MAMLD1: variants seen among roughly 807,000 people sequenced by gnomAD.
MAMLD1 encodes mastermind like domain containing 1.
MAMLD1 carries 14 observed loss-of-function variants against 45.0 expected under a neutral mutation model. That is an observed-to-expected ratio of 0.31 (90% CI 0.21 to 0.49). The LOEUF is 0.49. Among genes scored for constraint, MAMLD1 ranks in the 20% least tolerant of loss-of-function variants. MAMLD1 has a pLI of 0.99. For missense variants in MAMLD1, 543 were observed against 603.6 expected, an observed-to-expected ratio of 0.90 and a Z score of 1.05; for synonymous variants, 254 against 247.8, an observed-to-expected ratio of 1.02 and a Z score of -0.24.
In MAMLD1 at chrX:150,403,074, T is replaced by TA. The variant is rs1196749818; in HGVS notation, c.-64+39554dup. On this transcript the variant is annotated intron_variant, in intron 1 of 7. Transcript: ENST00000370401. Reference sequence around the variant, plus strand: ...TACCCTAAAACTTAAAGTATAGTAATAAAAAAAAAAGTCATTGTGGTCCAT... The same window carrying TA: ...TACCCTAAAACTTAAAGTATAGTAATAAAAAAAAAAAGTCATTGTGGTCCAT... Among the ~76,000 whole-genome samples the TA allele has an allele frequency of 1.5e-4, 16 of 103,972 alleles. No individual in the cohort carries two copies. The South Asian group carries it at 4.7e-3, about 31-fold the overall frequency. The allele number at this position is 103,972 out of a possible 115,157, so 90.3% of individuals were successfully genotyped here.
At chrX:150,394,857 A>G (rs1399639369) in intron 1 of MAMLD1, among the ~76,000 whole-genome samples, 7 of 111,648 alleles carry the variant, frequency 6.3e-5, no homozygotes, top group Non-Finnish European at 1.3e-4. Flanking sequence ...GATTTTCTAC[A>G]TAGAGGATCA....
intron 5 of MAMLD1, among the ~76,000 whole-genome samples, chrX:150,481,965 AAAGAAAGAAAGAAAG>A (rs1569564960): frequency 7.1e-5 from 1 of 14,118 alleles, no homozygotes; most frequent in Non-Finnish European, 1.2e-4. Flanking sequence ...AAGAAAGAAA[AAAGAAAGAAAGAAAG>A]AAAGAAAGAA....
intron 5 of MAMLD1, among the ~76,000 whole-genome samples, chrX:150,490,084 G>C (rs1557407886): frequency 8.9e-6 from 1 of 111,954 alleles, no homozygotes; most frequent in Non-Finnish European, 1.9e-5. Flanking sequence ...CCCAGGCCAA[G>C]TGCAGCAAAA....
chrX:150,456,377 C>G (rs2035866964), intron 2 of MAMLD1, among the ~76,000 whole-genome samples: 1 of 111,203 alleles, frequency 9.0e-6, no homozygotes, highest in African/African-American at 3.3e-5. Context: ...AAAGCCCTGC[C>G]TACCTCCTAG....
At chrX:150,393,934 AG>A (rs2033294811) in intron 1 of MAMLD1, among the ~76,000 whole-genome samples, 1 of 110,577 alleles carries the variant, frequency 9.0e-6, no homozygotes. Flanking sequence ...ATTTTAATGA[AG>A]TCCAGGTTAT....
intron 5 of MAMLD1, among the ~76,000 whole-genome samples, chrX:150,480,606 G>A (rs782534954): frequency 6.3e-5 from 7 of 111,786 alleles, no homozygotes; most frequent in Non-Finnish European, 1.3e-4. Context: ...CTAAGATAGA[G>A]AGTGGAATAA....
chrX:150,469,536 C>T (rs782367228), intron 3 of MAMLD1, among the ~76,000 whole-genome samples: 1 of 111,887 alleles, frequency 8.9e-6, no homozygotes, highest in Admixed American at 9.4e-5. Flanking sequence ...AGTCTTTAAA[C>T]TGAGAGGTCT....
intron 1 of MAMLD1, among the ~76,000 whole-genome samples, chrX:150,383,049 C>T (rs1457205283): frequency 1.7e-5 from 1 of 59,063 alleles, no homozygotes; most frequent in Admixed American, 1.5e-4. Flanking sequence ...GGACTACAGG[C>T]GCCCGCCACC....
At chrX:150,472,156 C>T (rs2036450532) in intron 4 of MAMLD1, among the ~76,000 whole-genome samples, 1 of 111,890 alleles carries the variant, frequency 8.9e-6, no homozygotes, top group African/African-American at 3.3e-5. Context: ...CTGTGCTCTT[C>T]TTGAAATTAC....
chrX:150,424,672 T>C lies in MAMLD1; in HGVS notation c.-63-20782T>C, dbSNP rs782576063. ...ATCTTTTCTCTAAAAGAAACATCTTTCTAAAATGTCAAATTAGAGCAAAGA... is the reference window on the plus strand; with the variant it reads ...ATCTTTTCTCTAAAAGAAACATCTTCCTAAAATGTCAAATTAGAGCAAAGA... On this transcript the variant is annotated intron_variant, in intron 1 of 7. Coordinates refer to ENST00000370401, the MANE Select transcript of MAMLD1 (RefSeq NM_005491.5). 3.5e-5 allele frequency among the ~76,000 whole-genome samples: 4 copies of C among 112,794 alleles called. No homozygotes were observed. The East Asian group carries it at 8.3e-4, about 23-fold the overall frequency.
intron 5 of MAMLD1, among the ~76,000 whole-genome samples, chrX:150,484,551 A>T (rs1279268663): frequency 4.4e-5 from 5 of 112,474 alleles, no homozygotes; most frequent in Non-Finnish European, 9.4e-5. Flanking sequence ...TAGATCTGGA[A>T]TCATGTAGAT....
Position 150,366,035 on chromosome X carries a change from G to A in MAMLD1, c.-64+2505G>A, listed in dbSNP as rs368115850. Among the ~76,000 whole-genome samples the A allele has an allele frequency of 8.0e-5, 9 of 111,964 alleles. No individual in the cohort carries two copies. The East Asian group carries it at 2.0e-3, about 24-fold the overall frequency. On this transcript the variant is annotated intron_variant, in intron 1 of 7. Coordinates refer to ENST00000370401, the MANE Select transcript of MAMLD1 (RefSeq NM_005491.5). Reference sequence around the variant, plus strand: ...TCCGCCCCTGTGCCCCAAAGTGGTCGGTGTCTCTCATAGAGTTTGTTCGGG... The same window carrying A: ...TCCGCCCCTGTGCCCCAAAGTGGTCAGTGTCTCTCATAGAGTTTGTTCGGG...
chrX:150,504,737 T>G, intron 6 of MAMLD1: 1 of 752,215 alleles, frequency 1.3e-6, no homozygotes, highest in African/African-American at 2.3e-5. Flanking sequence ...CTCTCTCTTC[T>G]CAAGCCAACA....
chrX:150,381,883 T>G (rs1361199581), intron 1 of MAMLD1, among the ~76,000 whole-genome samples: 4 of 112,246 alleles, frequency 3.6e-5, no homozygotes, highest in Non-Finnish European at 7.5e-5. Context: ...TTTTCTCTTT[T>G]TTTTCACTGT....
At chrX:150,423,562 G>A (rs141724165) in intron 1 of MAMLD1, among the ~76,000 whole-genome samples, 4,676 of 109,866 alleles carry the variant, frequency 0.043, 91 homozygotes, top group East Asian at 0.099. Context: ...TAAAGAGGGG[G>A]CCCTTTTCCT....
chrX:150,445,534 T>C lies in MAMLD1; in HGVS notation c.18T>C (p.Ser6=), dbSNP rs200035082. The change falls in exon 2 of 8, where the codon AGT becomes AGC. Residue 6 remains serine, a synonymous_variant. Transcript: ENST00000370401. The part of the protein sequence containing the change: MDDWK[S]RLVIKSMLPH... ...GTCAAACAATGGATGACTGGAAAAG[T>C]CGGCTTGTAATCAAGAGCATGCTTC... 1.5e-4 allele frequency: 176 copies of C among 1,208,370 alleles called. No homozygotes were observed. The highest frequency in any genetic ancestry group is 1.9e-4 in the Non-Finnish European group (174 of 894,233).
chrX:150,398,089 C>T (rs1371306494), intron 1 of MAMLD1, among the ~76,000 whole-genome samples: 1 of 108,692 alleles, frequency 9.2e-6, no homozygotes, highest in Non-Finnish European at 1.9e-5. Context: ...ACTCCACCCA[C>T]AGTGACCCTT....
At position 150,473,808 on chromosome X, in the gene MAMLD1, C is replaced by G; in HGVS notation, c.2040+6C>G. The stretch of plus-strand genomic sequence containing the variant: ...ACGTGTCACCGTCTAACATTGTGAG[C>G]CTTTCTGTTTTGTTTTGTCTTCAAT... On this transcript the variant is annotated splice_donor_region_variant and intron_variant, in intron 5 of 7. Coordinates refer to ENST00000370401, the MANE Select transcript of MAMLD1 (RefSeq NM_005491.5). 8 of 1,210,089 alleles carry G rather than the reference C, an allele frequency of 6.6e-6. No individual in the cohort carries two copies. The highest frequency in any genetic ancestry group is 1.8e-5 in the South Asian group (1 of 56,927).
chrX:150,409,563 T>A (rs1462856707), intron 1 of MAMLD1, among the ~76,000 whole-genome samples: 1 of 111,346 alleles, frequency 9.0e-6, no homozygotes, highest in African/African-American at 3.3e-5. Context: ...ATATTATGAT[T>A]ACCTAAAGAC....
Sources: gnomAD v4.1 joint callset for allele counts (sites outside exome capture counted in the v4.1 genomes callset) on GRCh38, gnomAD v4.1.1 for gene constraint, MANE v1.5 for transcripts, NCBI Gene and HGNC (gene_info 2026-07-23, HGNC 2026-07-21) for gene names.